PDE4D: variants seen among roughly 807,000 people sequenced by gnomAD.
PDE4D encodes phosphodiesterase 4D, also known as 3',5'-cyclic-AMP phosphodiesterase 4D.
A neutral mutation model predicts 87.4 loss-of-function variants in PDE4D; 24 were observed. That is an observed-to-expected ratio of 0.27 (90% confidence interval 0.20 to 0.39). The LOEUF (loss-of-function observed/expected upper bound fraction) is 0.39. Among genes scored for constraint, PDE4D ranks in the 10% least tolerant of loss-of-function variants. PDE4D has a pLI of 1.00. For missense variants in PDE4D, 714 were observed against 1,041.0 expected (o/e 0.69, Z 4.32); for synonymous variants, 384 against 383.2 (o/e 1.00, Z -0.02).
intron 1 of PDE4D, among the ~76,000 whole-genome samples, chr5:59,417,789 T>C (rs1287082718): frequency 6.6e-6 from 1 of 152,204 alleles, no homozygotes; most frequent in Non-Finnish European, 1.5e-5. Context: ...TAAACATTCA[T>C]ATTTATTGCT....
At chr5:59,692,563 G>T (rs1580458555) in intron 1 of PDE4D, among the ~76,000 whole-genome samples, 1 of 152,136 alleles carries the variant, frequency 6.6e-6, no homozygotes, top group South Asian at 2.1e-4. Context: ...CACACCTCAG[G>T]TATTAAAATG....
At chr5:59,829,948 C>T in intron 1 of PDE4D, among the ~76,000 whole-genome samples, 1 of 151,850 alleles carries the variant, frequency 6.6e-6, no homozygotes, top group East Asian at 1.9e-4. Flanking sequence ...AAAAAATCTC[C>T]TTTAGCATTG....
At chr5:60,173,389 G>T (rs1342850980) in intron 2 of PDE4D, among the ~76,000 whole-genome samples, 1 of 152,002 alleles carries the variant, frequency 6.6e-6, no homozygotes, top group African/African-American at 2.4e-5. Context: ...AAAGCATTTT[G>T]CAATTCTAAA....
intron 11 of PDE4D, among the ~76,000 whole-genome samples, chr5:58,978,997 G>A (rs141051799): frequency 3.3e-5 from 5 of 152,258 alleles, no homozygotes; most frequent in South Asian, 2.1e-4. Context: ...ATTAGAGTTC[G>A]TTTAAGGAAG....
At chr5:59,179,028 G>A (rs6874089) in intron 5 of PDE4D, among the ~76,000 whole-genome samples, 36,341 of 152,062 alleles carry the variant, frequency 0.24, 4,621 homozygotes, top group African/African-American at 0.3. Context: ...ACTCATTTAT[G>A]TTGAATTTGA....
At chr5:59,623,924 T>C (rs1830605139) in intron 1 of PDE4D, among the ~76,000 whole-genome samples, 1 of 152,242 alleles carries the variant, frequency 6.6e-6, no homozygotes, top group African/African-American at 2.4e-5. Flanking sequence ...TTTCTGTGCA[T>C]TTATAATGTG....
intron 1 of PDE4D, among the ~76,000 whole-genome samples, chr5:60,471,837 A>G (rs574113229): frequency 1.3e-5 from 2 of 152,312 alleles, no homozygotes; most frequent in African/African-American, 2.4e-5. Flanking sequence ...GGCTTGCCCT[A>G]TTGCAATATT....
intron 1 of PDE4D, among the ~76,000 whole-genome samples, chr5:60,418,160 C>G (rs561136946): frequency 6.7e-6 from 1 of 149,026 alleles, no homozygotes; most frequent in East Asian, 2.1e-4. Flanking sequence ...TTCAGAAGAG[C>G]AAGTGAGGTA....
Position 59,063,927 on chromosome 5 carries a change from C to T in PDE4D, c.809-24956G>A, listed in dbSNP as rs1169843415. On this transcript the variant is annotated intron_variant, in intron 5 of 14. Transcript: ENST00000340635. ...CTTATTTAAACTGATGAATATTGTA[C>T]AGAAATATACAGAGAGCAGTGAGGG... is the stretch of plus-strand genomic sequence containing the variant. Among the ~76,000 whole-genome samples the T allele has an allele frequency of 2.0e-5, 3 of 151,900 alleles. No homozygotes were observed. The South Asian group carries it at 6.2e-4, about 32-fold the overall frequency.
At chr5:59,377,219 C>T (rs184945190) in intron 1 of PDE4D, among the ~76,000 whole-genome samples, 11 of 151,836 alleles carry the variant, frequency 7.2e-5, no homozygotes, top group African/African-American at 2.7e-4. Context: ...AGATCGAGAC[C>T]ATCATGGCTA....
intron 1 of PDE4D, among the ~76,000 whole-genome samples, chr5:60,222,507 T>C (rs752082431): frequency 5.9e-5 from 9 of 152,150 alleles, no homozygotes; most frequent in Non-Finnish European, 1.2e-4. Context: ...CTAATACAAT[T>C]TAGGAATAGA....
At chr5:60,373,144 C>T (rs565031835) in intron 1 of PDE4D, among the ~76,000 whole-genome samples, 27 of 152,204 alleles carry the variant, frequency 1.8e-4, no homozygotes, top group Non-Finnish European at 3.7e-4. Context: ...TGGTGGCCCA[C>T]GGGCCATACC....
At chr5:60,322,190 GT>G (rs888880049) in intron 1 of PDE4D, among the ~76,000 whole-genome samples, 41 of 152,202 alleles carry the variant, frequency 2.7e-4, no homozygotes, top group African/African-American at 9.9e-4. Context: ...TAAAGAAAAT[GT>G]GCTATATATA....
At chr5:59,232,833 C>CAT (rs1561772206) in intron 1 of PDE4D, among the ~76,000 whole-genome samples, 1 of 148,138 alleles carries the variant, frequency 6.8e-6, no homozygotes, top group Admixed American at 6.7e-5. Context: ...TATATACACA[C>CAT]ACACATACAC....
At chr5:60,183,113 C>T (rs759708293) in intron 2 of PDE4D, among the ~76,000 whole-genome samples, 6 of 151,956 alleles carry the variant, frequency 3.9e-5, no homozygotes, top group Non-Finnish European at 5.9e-5. Flanking sequence ...ATGTGAGGAC[C>T]CAGGGAAAAA....
intron 1 of PDE4D, among the ~76,000 whole-genome samples, chr5:59,223,957 G>A (rs943776151): frequency 1.3e-5 from 2 of 151,604 alleles, no homozygotes; most frequent in African/African-American, 4.8e-5. Flanking sequence ...TAACAGACAC[G>A]TTTTACCCTT....
At chr5:60,059,001 G>A (rs1331874430) in intron 2 of PDE4D, among the ~76,000 whole-genome samples, 1 of 147,334 alleles carries the variant, frequency 6.8e-6, no homozygotes, top group Non-Finnish European at 1.5e-5. Context: ...AAACATCAAT[G>A]AAATTAGAAG....
intron 6 of PDE4D, among the ~76,000 whole-genome samples, chr5:59,008,507 C>G (rs139179723): frequency 1.0e-3 from 156 of 151,998 alleles, no homozygotes; most frequent in African/African-American, 3.6e-3. Flanking sequence ...TTCTTTTCAA[C>G]AAAGAATGCT....
chr5:59,094,693 TG>T (rs1305846064), intron 5 of PDE4D, among the ~76,000 whole-genome samples: 1 of 152,134 alleles, frequency 6.6e-6, no homozygotes, highest in African/African-American at 2.4e-5. Context: ...GCCTACAAAA[TG>T]TTCAAAAAAA....
Sources: gnomAD v4.1 joint callset for allele counts (sites outside exome capture counted in the v4.1 genomes callset) on GRCh38, gnomAD v4.1.1 for gene constraint, MANE v1.5 for transcripts, NCBI Gene and HGNC (gene_info 2026-07-23, HGNC 2026-07-21) for gene names.